The following LLGL2 variants were observed in gnomAD, a reference collection of about 807,000 sequenced individuals.
LLGL2 encodes LLGL scribble cell polarity complex component 2.
A neutral mutation model predicts 123.2 loss-of-function variants in LLGL2; 81 were observed. The observed-to-expected ratio is 0.66, with a 90% CI of 0.55 to 0.79. The LOEUF is 0.79. Among genes scored for constraint, LLGL2 ranks in the 30% least tolerant of loss-of-function variants. LLGL2 has a pLI of 0.00. For missense variants in LLGL2, 1,273 were observed against 1,414.6 expected (o/e 0.90, Z 1.61); for synonymous variants, 577 against 594.1 (o/e 0.97, Z 0.42).
In LLGL2 at chr17:75,558,663, C is replaced by A; in HGVS notation, c.371+36C>A. Reference sequence around the variant, plus strand: ...AATCCCCAGCCCCTTCCACTCCCAGCCCAGCCTGACCCTTGCCCTTAGCTC... The same window carrying A: ...AATCCCCAGCCCCTTCCACTCCCAGACCAGCCTGACCCTTGCCCTTAGCTC... On this transcript the variant is annotated intron_variant, in intron 5 of 25. Transcript: ENST00000392550. This position sits in a 1 kb window ranked among gnomAD's most constrained non-coding sequence, Gnocchi z 4.0. 1 of 1,485,824 alleles carries A rather than the reference C, an allele frequency of 6.7e-7. No homozygotes were observed. The highest frequency in any genetic ancestry group is 9.2e-7 in the Non-Finnish European group (1 of 1,086,482). 92.0% of individuals were successfully genotyped at this position (1,485,824 alleles called of 1,614,324 possible). A position where few individuals can be genotyped will look rare whatever the true frequency, so the allele number is the denominator to read the frequency against.
Position 75,573,285 on chromosome 17 carries a change from G to A in LLGL2, c.2725+7G>A. On this transcript the variant is annotated splice_region_variant and intron_variant, in intron 20 of 25. Transcript: ENST00000392550. ...TTCACCAAATATGGCCAAGGTGTTT[G>A]AGCCGGGCTGGGTGGGTGTCGGGGC... The A allele has an allele frequency of 6.3e-7, 1 of 1,590,568 alleles. No homozygotes were observed. The highest frequency in any genetic ancestry group is 8.6e-7 in the Non-Finnish European group (1 of 1,164,258).
rs771149902 is a variant in LLGL2, at chr17:75,568,503, T to C, written c.1064T>C (p.Val355Ala). 6.2e-7 allele frequency: 1 copy of C among 1,613,348 alleles called. No individual in the cohort carries two copies. Among genetic ancestry groups the C allele is most frequent in the East Asian group, 2.2e-5 (1 of 44,886 alleles). ...TTTGACGACCCCTATGCCCTGGTGG[T>C]GCTGGCTGAGGAGGAGCTGGTGGTG... ...ATFDDPYALV[V>A]LAEEELVVID... is the part of the protein sequence containing the mutation. Residue 355 changes from valine (V) to alanine (A), a missense_variant, in exon 11 of 26, where the codon GTG becomes GCG. Val to Ala is a moderately conservative substitution (Grantham distance 64, BLOSUM62 0). Transcript: ENST00000392550.
chr17:75,573,211 C>T lies in LLGL2; in HGVS notation c.2658C>T (p.Arg886=), dbSNP rs1240667769. 1 of 1,612,138 alleles carries T rather than the reference C, an allele frequency of 6.2e-7. No homozygotes were observed. The highest frequency in any genetic ancestry group is 8.5e-7 in the Non-Finnish European group (1 of 1,179,216). Reference sequence around the variant, plus strand: ...TGCCCCTGCTCAAGCCCCAGGTGCGCTACAGCTGCATCCGCCGGGAGGACG... The same window carrying T: ...TGCCCCTGCTCAAGCCCCAGGTGCGTTACAGCTGCATCCGCCGGGAGGACG... ...VSLPLLKPQV[R]YSCIRREDVS... The change falls in exon 20 of 26, where the codon CGC becomes CGT. Residue 886 remains arginine (R), a synonymous_variant. Coordinates refer to ENST00000392550, the MANE Select transcript of LLGL2 (RefSeq NM_001031803.2).
At chr17:75,536,168 G>A (rs1364416819) in intron 1 of LLGL2, among the ~76,000 whole-genome samples, 3 of 152,174 alleles carry the variant, frequency 2.0e-5, no homozygotes, top group African/African-American at 7.2e-5. Context: ...TTAGTGGGGT[G>A]GAGAAGGTTT....
chr17:75,571,922 G>A lies in LLGL2; in HGVS notation c.2318G>A (p.Arg773Gln), dbSNP rs755719033. The A allele has an allele frequency of 1.2e-5, 20 of 1,612,350 alleles. No homozygotes were observed. The highest frequency in any genetic ancestry group is 1.6e-4 in the Middle Eastern group (1 of 6,062). ...GCCAAGGAGATCCAGCTGATGCACC[G>A]GGCGCCGGTGGTGGGCATCCTGGTG... ...EQAKEIQLMH[R>Q]APVVGILVLD... The change falls in exon 19 of 26, where the codon CGG (arginine) becomes CAG (glutamine). Residue 773 changes from arginine (R) to glutamine (Q), a missense_variant. Physicochemically the swap from Arg to Gln is conservative, Grantham distance 43. Coordinates refer to ENST00000392550, the MANE Select transcript of LLGL2 (RefSeq NM_001031803.2).
intron 3 of LLGL2, among the ~76,000 whole-genome samples, chr17:75,557,034 C>CTTTT (rs55649536): frequency 0.011 from 1,230 of 109,480 alleles, 12 homozygotes; most frequent in African/African-American, 0.022. Context: ...GTCTCAAAAA[C>CTTTT]TTTTTTTTTT....
rs2055912128 is a variant in LLGL2, at chr17:75,575,081, G to A, written c.*203G>A. 9.0e-6 allele frequency: 6 copies of A among 663,944 alleles called. No homozygotes were observed. The highest frequency in any genetic ancestry group is 7.2e-5 in the African/African-American group (4 of 55,558). 41.1% of individuals were successfully genotyped at this position (663,944 alleles called of 1,614,324 possible). ...TGCCCTTCCCGGGCCTCGTCTGTCT[G>A]GGTCCTTTGGTCAATGTTGCACAGT... On this transcript the variant is annotated 3_prime_UTR_variant, in exon 26 of 26. Coordinates refer to ENST00000392550, the MANE Select transcript of LLGL2 (RefSeq NM_001031803.2).
At chr17:75,556,841 T>C (rs2054935384) in intron 3 of LLGL2, among the ~76,000 whole-genome samples, 1 of 152,014 alleles carries the variant, frequency 6.6e-6, no homozygotes, top group African/African-American at 2.4e-5. Flanking sequence ...GCCTGGTCAA[T>C]GTGGTAAAAC....
In LLGL2 at chr17:75,558,824, A is replaced by C. The variant is rs547798970; in HGVS notation, c.371+197A>C. Among the ~76,000 whole-genome samples, 1,239 of 111,370 alleles carry C rather than the reference A, an allele frequency of 0.011. 41 individuals are homozygous for C. Among genetic ancestry groups the C allele is most frequent in the African/African-American group, 0.043 (1,110 of 25,916 alleles). The allele number at this position is 111,370 out of a possible 152,430, so 73.1% of individuals were successfully genotyped here. A position where few individuals can be genotyped will look rare whatever the true frequency, so the allele number is the denominator to read the frequency against. The stretch of plus-strand genomic sequence containing the variant: ...GCAGCCTGCCTCCTCCATCCACACC[A>C]CGCCTCCTCCATCCGCACCCCACCT... On this transcript the variant is annotated intron_variant, in intron 5 of 25. Transcript: ENST00000392550. The surrounding 1 kb of genome is among the most constrained non-coding windows in gnomAD (Gnocchi z 4.0).
At position 75,531,617 on chromosome 17, in the gene LLGL2, G is replaced by C. The variant is rs77329984; in HGVS notation, c.-31+5792G>C. On this transcript the variant is annotated intron_variant, in intron 1 of 25. Coordinates refer to ENST00000392550, the MANE Select transcript of LLGL2 (RefSeq NM_001031803.2). ...TTGGCAACGCTGTTTTCCTCTGTCA[G>C]GAGCAGTTTGCAGAGAGAAAACTGG... Among the ~76,000 whole-genome samples the C allele has an allele frequency of 4.4e-3, 673 of 152,316 alleles. 6 individuals carry two copies. The highest frequency in any genetic ancestry group is 0.015 in the African/African-American group (632 of 41,572).
In LLGL2 at chr17:75,544,495, A is replaced by G. The variant is rs761988052; in HGVS notation, c.75+994A>G. Among the ~76,000 whole-genome samples the G allele has an allele frequency of 6.6e-5, 10 of 152,358 alleles. No homozygotes were observed. The highest frequency in any genetic ancestry group is 9.6e-5 in the African/African-American group (4 of 41,578). ...TTGTTATTGATTTGAGAACTGTAGA[A>G]GTCAGCTTGCCCAGGTGCAAACCCA... On this transcript the variant is annotated intron_variant, in intron 2 of 25. Coordinates refer to ENST00000392550, the MANE Select transcript of LLGL2 (RefSeq NM_001031803.2). This position sits in a 1 kb window ranked among gnomAD's most constrained non-coding sequence, Gnocchi z 4.2.
At position 75,568,760 on chromosome 17, in the gene LLGL2, C is replaced by A; in HGVS notation, c.1255-12C>A. ...CAAACTCTCCCATGGACTTCTTGGT[C>A]TCTTTTTCTAGGAGTGGCCAATTGA... On this transcript the variant is annotated splice_polypyrimidine_tract_variant and intron_variant, in intron 11 of 25. Transcript: ENST00000392550. 1 of 1,610,032 alleles carries A rather than the reference C, an allele frequency of 6.2e-7. No homozygotes were observed. The highest frequency in any genetic ancestry group is 1.7e-4 in the Middle Eastern group (1 of 6,050).
rs770298823 is a variant in LLGL2, at chr17:75,568,780, A to G, written c.1263A>G (p.Pro421=). The stretch of plus-strand genomic sequence containing the variant: ...TTGGTCTCTTTTTCTAGGAGTGGCC[A>G]ATTGATGGTGGCACCAGCCTGACCC... ...QNAHFSTMEW[P]IDGGTSLTPA... The change falls in exon 12 of 26, where the codon CCA becomes CCG. Residue 421 remains proline, a synonymous_variant. Coordinates refer to ENST00000392550, the MANE Select transcript of LLGL2 (RefSeq NM_001031803.2). The G allele has an allele frequency of 2.5e-6, 4 of 1,606,308 alleles. No homozygotes were observed. In the Admixed American group the frequency reaches 6.7e-5, roughly 27 times the overall value.
intron 15 of LLGL2, 23 bp downstream of exon 15, chr17:75,570,278 CG>C: frequency 1.3e-6 from 2 of 1,597,784 alleles, no homozygotes; most frequent in Non-Finnish European, 1.7e-6. Flanking sequence ...GGCTGGGTCC[CG>C]GGGCTGGGAG....
chr17:75,538,733 G>A (rs2147156196), intron 1 of LLGL2: 1 of 152,278 alleles, frequency 6.6e-6, no homozygotes, highest in East Asian at 1.9e-4. Context: ...GAACATCCCA[G>A]GAGATTGCAG....
At chr17:75,532,780 G>C (rs2053849107) in intron 1 of LLGL2, among the ~76,000 whole-genome samples, 1 of 152,148 alleles carries the variant, frequency 6.6e-6, no homozygotes, top group South Asian at 2.1e-4. Context: ...GGGGGTCCTG[G>C]AGCTTTGGTT....
At chr17:75,539,408 C>A (rs1379865287) in intron 1 of LLGL2, among the ~76,000 whole-genome samples, 1 of 150,264 alleles carries the variant, frequency 6.7e-6, no homozygotes, top group Admixed American at 6.6e-5. Flanking sequence ...AAAAAATGTC[C>A]TTTCCTTTTT....
chr17:75,561,643 G>A (rs993901754), intron 6 of LLGL2, among the ~76,000 whole-genome samples: 3 of 151,974 alleles, frequency 2.0e-5, no homozygotes, highest in African/African-American at 7.3e-5. Context: ...AAATTAGGCC[G>A]GGCGCGGTGG....
intron 21 of LLGL2, 62 bp from the exon 22 acceptor site, chr17:75,573,890 G>A: frequency 6.5e-7 from 1 of 1,529,656 alleles, no homozygotes; most frequent in East Asian, 2.5e-5. Flanking sequence ...CATGGGACCA[G>A]GGCTCTCAGA....
Sources: allele counts gnomAD v4.1 joint callset (sites outside exome capture counted in the v4.1 genomes callset), GRCh38; gene constraint gnomAD v4.1.1; non-coding constraint Gnocchi (gnomAD v3.1); transcripts MANE v1.5; gene names NCBI Gene and HGNC (gene_info 2026-07-23, HGNC 2026-07-21).